SLC37A3: variants seen among roughly 807,000 people sequenced by gnomAD.
SLC37A3 encodes the protein sugar phosphate exchanger 3.
In SLC37A3, 51 loss-of-function variants were observed where a neutral mutation model predicts 67.1. That is an observed-to-expected ratio of 0.76 (90% CI 0.61 to 0.96). The LOEUF is 0.96. Ranked by LOEUF, SLC37A3 falls within the 40% of genes least tolerant of loss-of-function variation. The pLI, the probability that SLC37A3 is intolerant of heterozygous loss-of-function variation, is 0.00. For missense variants in SLC37A3, 508 were observed against 603.0 expected, an observed-to-expected ratio of 0.84 and a Z score of 1.65; for synonymous variants, 214 against 231.4, an observed-to-expected ratio of 0.92 and a Z score of 0.68.
chr7:140,389,106 T>C (rs1202401871), intron 1 of SLC37A3, among the ~76,000 whole-genome samples: 2 of 152,150 alleles, frequency 1.3e-5, no homozygotes, highest in Admixed American at 6.6e-5. Context: ...AGGAATTCAG[T>C]TCATGGTTTG....
intron 13 of SLC37A3, among the ~76,000 whole-genome samples, chr7:140,342,707 C>CT (rs1373193176): frequency 1.3e-4 from 19 of 151,666 alleles, no homozygotes; most frequent in African/African-American, 4.6e-4. Context: ...GTAAATAATT[C>CT]TAAGTATAGT....
intron 4 of SLC37A3, among the ~76,000 whole-genome samples, chr7:140,364,911 T>C (rs78525117): frequency 1.6e-3 from 248 of 152,296 alleles, no homozygotes; most frequent in Middle Eastern, 6.8e-3. Flanking sequence ...TACCCATCAG[T>C]GATAAGCTAT....
intron 9 of SLC37A3, among the ~76,000 whole-genome samples, chr7:140,350,508 T>C (rs1324452193): frequency 3.3e-5 from 5 of 151,864 alleles, no homozygotes; most frequent in African/African-American, 1.2e-4. Context: ...CTCACGCCTG[T>C]AATCCCAGCA....
chr7:140,334,970 A>C lies in SLC37A3; in HGVS notation c.*442T>G. 1 of 396,852 alleles carries C rather than the reference A, an allele frequency of 2.5e-6. No homozygotes were observed. Among genetic ancestry groups the C allele is most frequent in the Non-Finnish European group, 4.7e-6 (1 of 210,728 alleles). The allele number at this position is 396,852 out of a possible 1,614,324, so 24.6% of individuals were successfully genotyped here. A position where few individuals can be genotyped will look rare whatever the true frequency, so the allele number is the denominator to read the frequency against. ...ATGACCCACTCTCTGTAAACTCATT[A>C]CCAAAGCAAAATGCAATGATCTCTT... On this transcript the variant is annotated 3_prime_UTR_variant, in exon 15 of 15. Transcript: ENST00000326232.
intron 3 of SLC37A3, among the ~76,000 whole-genome samples, chr7:140,371,763 T>C (rs1374812187): frequency 6.6e-6 from 1 of 151,764 alleles, no homozygotes; most frequent in Non-Finnish European, 1.5e-5. Flanking sequence ...AAATTTATGC[T>C]GAAAAAAAGA....
chr7:140,362,792 G>A (rs1329409510), intron 5 of SLC37A3, among the ~76,000 whole-genome samples: 1 of 86,712 alleles, frequency 1.2e-5, no homozygotes, highest in African/African-American at 4.4e-5. Flanking sequence ...TCAGCCCCCC[G>A]CCTGGCCAGC....
At chr7:140,394,319 T>C (rs1432905215) in intron 1 of SLC37A3, among the ~76,000 whole-genome samples, 1 of 152,024 alleles carries the variant, frequency 6.6e-6, no homozygotes, top group Non-Finnish European at 1.5e-5. Context: ...AAAACAGATA[T>C]TAGAAAGTAA....
chr7:140,377,633 T>C (rs1585346216), intron 3 of SLC37A3, among the ~76,000 whole-genome samples: 3 of 152,312 alleles, frequency 2.0e-5, no homozygotes, highest in South Asian at 4.1e-4. Flanking sequence ...CCCAGAGCTA[T>C]GCATAAAAAT....
chr7:140,347,367 C>G (rs1796606330), intron 10 of SLC37A3, among the ~76,000 whole-genome samples: 1 of 151,902 alleles, frequency 6.6e-6, no homozygotes. Context: ...ATCTTTCAAG[C>G]AACAATGTCA....
chr7:140,354,715 G>T (rs548417832), intron 7 of SLC37A3, among the ~76,000 whole-genome samples: 2 of 151,128 alleles, frequency 1.3e-5, no homozygotes, highest in Non-Finnish European at 2.9e-5. Flanking sequence ...TACATATTAG[G>T]GGGGATTAGT....
At position 140,388,304 on chromosome 7, in the gene SLC37A3, G is replaced by A. The variant is rs534656438; in HGVS notation, c.-70-5708C>T. Among the ~76,000 whole-genome samples the A allele has an allele frequency of 2.6e-5, 4 of 150,976 alleles. No individual in the cohort carries two copies. The East Asian group carries it at 6.0e-4, about 23-fold the overall frequency. On this transcript the variant is annotated intron_variant, in intron 1 of 14. Coordinates refer to ENST00000326232, the MANE Select transcript of SLC37A3 (RefSeq NM_207113.3). The stretch of plus-strand genomic sequence containing the variant: ...AAAAAGTAGCCAGGTGTGGTGGTGC[G>A]TGCCTGTAGTCCCAGCTACTCAGGA...
In SLC37A3 at chr7:140,382,355, G is replaced by C. The variant is rs116869247; in HGVS notation, c.89+83C>G. 4.4e-3 allele frequency: 4,862 copies of C among 1,103,470 alleles called. 15 individuals carry two copies. The highest frequency in any genetic ancestry group is 5.8e-3 in the Non-Finnish European group (4,231 of 726,704). The allele number at this position is 1,103,470 out of a possible 1,614,324, so 68.4% of individuals were successfully genotyped here. A position where few individuals can be genotyped will look rare whatever the true frequency, so the allele number is the denominator to read the frequency against. ...TAACATTATAAGTGTATGCCCATCA[G>C]TGCATTTGACACTTGCCATGCAATA... is the stretch of plus-strand genomic sequence containing the variant. On this transcript the variant is annotated intron_variant, in intron 2 of 14. Coordinates refer to ENST00000326232, the MANE Select transcript of SLC37A3 (RefSeq NM_207113.3).
At chr7:140,391,513 G>A (rs1332109157) in intron 1 of SLC37A3, among the ~76,000 whole-genome samples, 1 of 152,186 alleles carries the variant, frequency 6.6e-6, no homozygotes, top group East Asian at 1.9e-4. Context: ...CCGAGATCAG[G>A]CCACTGCACT....
intron 4 of SLC37A3, among the ~76,000 whole-genome samples, chr7:140,368,839 A>G (rs1797709001): frequency 6.6e-6 from 1 of 152,112 alleles, no homozygotes; most frequent in Non-Finnish European, 1.5e-5. Context: ...GGGAAAAAAT[A>G]TTATTGGCTT....
At chr7:140,352,242 G>GGGGGGGGGGGC in intron 7 of SLC37A3, 96 bp from the exon 8 acceptor site, 1 of 382,886 alleles carries the variant, frequency 2.6e-6, no homozygotes, top group Non-Finnish European at 5.4e-6. Flanking sequence ...GGGGGTGGGG[G>GGGGGGGGGGGC]AGAGGTGGGA....
intron 5 of SLC37A3, among the ~76,000 whole-genome samples, chr7:140,361,784 G>A (rs1367455296): frequency 1.0e-4 from 15 of 144,170 alleles, no homozygotes; most frequent in East Asian, 6.3e-4. Context: ...GCTCCTAACC[G>A]CGAGTGATCC....
intron 10 of SLC37A3, among the ~76,000 whole-genome samples, chr7:140,346,414 C>T (rs75358854): frequency 0.06 from 9,071 of 152,044 alleles, 498 homozygotes; most frequent in African/African-American, 0.14. Context: ...GAAAAGGGGT[C>T]CTCCATAACT....
At chr7:140,379,894 TAA>T (rs34577025) in intron 3 of SLC37A3, 18 of 138,562 alleles carry the variant, frequency 1.3e-4, no homozygotes, top group South Asian at 2.3e-4. Context: ...ATACTCTGTT[TAA>T]AAAAAAAAAA....
chr7:140,386,683 A>C (rs1798465396), intron 1 of SLC37A3: 2 of 152,298 alleles, frequency 1.3e-5, no homozygotes, highest in Non-Finnish European at 2.9e-5. Context: ...TATAATTAAT[A>C]AAACCAAATT....
Sources: allele counts gnomAD v4.1 joint callset (sites outside exome capture counted in the v4.1 genomes callset), GRCh38; gene constraint gnomAD v4.1.1; transcripts MANE v1.5; gene names NCBI Gene and HGNC (gene_info 2026-07-23, HGNC 2026-07-21).